The following MOB1A variants were observed in gnomAD, a reference collection of about 807,000 sequenced individuals.
The protein encoded by MOB1A is MOB1 Mps One Binder homolog A.
In MOB1A, 10 loss-of-function variants were observed where a neutral mutation model predicts 25.1. The observed-to-expected ratio is 0.40, with a 90% CI of 0.25 to 0.68. The LOEUF is 0.68. MOB1A is among the 30% of genes least tolerant of loss of function. The pLI, the probability that MOB1A is intolerant of heterozygous loss-of-function variation, is 0.40. For synonymous variants in MOB1A, 81 were observed against 79.5 expected (o/e 1.02, Z -0.10); for missense variants, 177 against 256.3 (o/e 0.69, Z 2.11).
At chr2:74,157,935 A>G (rs1692848339) in intron 5 of MOB1A, among the ~76,000 whole-genome samples, 1 of 152,018 alleles carries the variant, frequency 6.6e-6, no homozygotes, top group Admixed American at 6.6e-5. Context: ...TAATCCCAGC[A>G]TTTTGGGAGG....
At chr2:74,156,666 A>G in intron 5 of MOB1A, 21 bp from the exon 6 acceptor site, 1 of 1,517,202 alleles carries the variant, frequency 6.6e-7, no homozygotes, top group Non-Finnish European at 8.9e-7. Context: ...AAGAAAAATA[A>G]CAATTAAAAA....
intron 2 of MOB1A, among the ~76,000 whole-genome samples, chr2:74,170,346 C>T (rs1289314646): frequency 6.6e-6 from 1 of 151,786 alleles, no homozygotes; most frequent in African/African-American, 2.4e-5. Flanking sequence ...ACCATGTTGG[C>T]CAGGATGGTC....
In MOB1A at chr2:74,153,922, G is replaced by A. The variant is rs1210475979; in HGVS notation, c.*2646C>T. ...CATGCCTGTAATCCCAACACTTTGG[G>A]AGGCTGAGGCGGGCGGATTGCGAGG... On this transcript the variant is annotated 3_prime_UTR_variant, in exon 6 of 6. Coordinates refer to ENST00000396049, the MANE Select transcript of MOB1A (RefSeq NM_018221.5). 3 of 152,306 alleles carry A rather than the reference G, an allele frequency of 2.0e-5. No individual in the cohort carries two copies. Among genetic ancestry groups the A allele is most frequent in the Non-Finnish European group, 2.9e-5 (2 of 68,120 alleles). The allele number at this position is 152,306 out of a possible 1,614,324, so 9.4% of individuals were successfully genotyped here.
chr2:74,165,487 G>T, intron 3 of MOB1A, 136 bp from the exon 4 acceptor site: 1 of 498,520 alleles, frequency 2.0e-6, no homozygotes, highest in Non-Finnish European at 3.4e-6. Flanking sequence ...AAGTTCTACT[G>T]AAGATTACTG....
At position 74,158,991 on chromosome 2, in the gene MOB1A, G is replaced by T. The variant is rs544321992; in HGVS notation, c.573+100C>A. On this transcript the variant is annotated intron_variant, in intron 5 of 5. Coordinates refer to ENST00000396049, the MANE Select transcript of MOB1A (RefSeq NM_018221.5). Reference sequence around the variant, plus strand: ...AGAAAAGAGAAGCTTGCCTGTAATTGGCTCTACATCTATAACTAAGACACA... The same window carrying T: ...AGAAAAGAGAAGCTTGCCTGTAATTTGCTCTACATCTATAACTAAGACACA... The T allele has an allele frequency of 2.1e-4, 234 of 1,113,988 alleles. 1 individual carries two copies. Among genetic ancestry groups the T allele is most frequent in the Non-Finnish European group, 9.0e-5 (69 of 762,518 alleles). 69.0% of individuals were successfully genotyped at this position (1,113,988 alleles called of 1,614,324 possible).
chr2:74,176,709 A>G (rs982702405), intron 1 of MOB1A, among the ~76,000 whole-genome samples: 2 of 150,828 alleles, frequency 1.3e-5, no homozygotes, highest in Admixed American at 6.7e-5. Context: ...GCTTACAGTG[A>G]GCCGAGATTG....
chr2:74,174,269 C>CAAAAAA (rs760925429), intron 1 of MOB1A, among the ~76,000 whole-genome samples: 1 of 80,728 alleles, frequency 1.2e-5, no homozygotes, highest in East Asian at 3.0e-4. Flanking sequence ...GACTCCGTCT[C>CAAAAAA]AAAAAAAAAA....
chr2:74,172,947 C>T (rs1433703748), intron 1 of MOB1A, 195 bp from the exon 2 acceptor site: 4 of 587,688 alleles, frequency 6.8e-6, no homozygotes, highest in Non-Finnish European at 1.2e-5. Flanking sequence ...ACCAGCCTGA[C>T]CAACATGGTG....
chr2:74,161,648 CAAA>C (rs775202170), intron 4 of MOB1A, among the ~76,000 whole-genome samples: 1 of 102,026 alleles, frequency 9.8e-6, no homozygotes. Flanking sequence ...GACTCCGCCT[CAAA>C]AAAAAAAAAA....
At chr2:74,167,181 C>G (rs1693154609) in intron 2 of MOB1A, 74 bp from the exon 3 acceptor site, 2 of 1,104,938 alleles carry the variant, frequency 1.8e-6, no homozygotes, top group East Asian at 4.7e-5. Context: ...GAAGGAAAAA[C>G]AGACAATACA....
intron 2 of MOB1A, among the ~76,000 whole-genome samples, chr2:74,171,851 C>G (rs567387074): frequency 2.6e-5 from 4 of 151,982 alleles, no homozygotes; most frequent in Non-Finnish European, 4.4e-5. Flanking sequence ...TGCAGTGAAG[C>G]AAGATTGAGC....
chr2:74,169,001 C>T (rs994676601), intron 2 of MOB1A, among the ~76,000 whole-genome samples: 6 of 152,142 alleles, frequency 3.9e-5, no homozygotes, highest in Non-Finnish European at 7.4e-5. Flanking sequence ...TGGTGTTTTC[C>T]AGAGGCTCCA....
chr2:74,165,733 C>T (rs558201905), intron 3 of MOB1A, among the ~76,000 whole-genome samples: 41 of 152,180 alleles, frequency 2.7e-4, no homozygotes, highest in Middle Eastern at 3.4e-3. Flanking sequence ...TCAATGGACC[C>T]AAGATTATAA....
intron 2 of MOB1A, among the ~76,000 whole-genome samples, chr2:74,172,015 C>A (rs1029131063): frequency 6.6e-6 from 1 of 152,130 alleles, no homozygotes; most frequent in Non-Finnish European, 1.5e-5. Context: ...GAAATGATAT[C>A]ATCTCAGAAA....
chr2:74,172,462 T>C (rs1693319781), intron 2 of MOB1A, 124 bp downstream of exon 2: 3 of 928,892 alleles, frequency 3.2e-6, no homozygotes, highest in Non-Finnish European at 4.8e-6. Context: ...GTATTTGTAC[T>C]TAATGTTTCT....
chr2:74,169,112 A>G (rs988305161), intron 2 of MOB1A, among the ~76,000 whole-genome samples: 2 of 152,234 alleles, frequency 1.3e-5, no homozygotes, highest in African/African-American at 4.8e-5. Flanking sequence ...ATATAAAACA[A>G]TGCCATACTT....
chr2:74,159,829 ACCCCG>A (rs901133531), intron 4 of MOB1A, among the ~76,000 whole-genome samples: 28 of 91,574 alleles, frequency 3.1e-4, no homozygotes, highest in African/African-American at 8.7e-4. Flanking sequence ...CCCCCCCCCC[ACCCCG>A]GAGACTGAGC....
chr2:74,176,987 A>C (rs1386439483), intron 1 of MOB1A, among the ~76,000 whole-genome samples: 1 of 152,166 alleles, frequency 6.6e-6, no homozygotes, highest in African/African-American at 2.4e-5. Context: ...ACATATGTTC[A>C]CAGCAGCATT....
chr2:74,173,656 A>G (rs1693364838), intron 1 of MOB1A, among the ~76,000 whole-genome samples: 1 of 151,422 alleles, frequency 6.6e-6, no homozygotes, highest in South Asian at 2.1e-4. Context: ...TGCTATAGAA[A>G]ATGATGGGGC....
Sources: allele counts gnomAD v4.1 joint callset (sites outside exome capture counted in the v4.1 genomes callset), GRCh38; gene constraint gnomAD v4.1.1; transcripts MANE v1.5; gene names NCBI Gene and HGNC (gene_info 2026-07-23, HGNC 2026-07-21).